LGR5: variants seen among roughly 807,000 people sequenced by gnomAD.
The protein encoded by LGR5 is leucine rich repeat containing G protein-coupled receptor 5, also known as leucine-rich repeat-containing G protein-coupled receptor 5.
Under a neutral mutation model 76.7 loss-of-function variants are expected in LGR5, and 54 were observed. The observed-to-expected ratio is 0.70, with a 90% CI of 0.57 to 0.88. LGR5 has a LOEUF of 0.88. Among genes scored for constraint, LGR5 ranks in the 40% least tolerant of loss-of-function variants. The pLI is 0.00. For synonymous variants in LGR5, 406 were observed against 421.9 expected, an observed-to-expected ratio of 0.96 and a Z score of 0.46; for missense variants, 1,078 against 1,073.3, an observed-to-expected ratio of 1.00 and a Z score of -0.06.
intron 4 of LGR5, among the ~76,000 whole-genome samples, chr12:71,552,019 T>C (rs1034649348): frequency 6.6e-6 from 1 of 151,400 alleles, no homozygotes; most frequent in African/African-American, 2.4e-5. Flanking sequence ...TCTTTAAAAA[T>C]GTACTCAGTT....
chr12:71,492,397 A>C (rs1261216006), intron 1 of LGR5, among the ~76,000 whole-genome samples: 1 of 152,180 alleles, frequency 6.6e-6, no homozygotes, highest in African/African-American at 2.4e-5. Flanking sequence ...TGGTTTAGAC[A>C]TAGGAATTCT....
rs527689463 is a variant in LGR5, at chr12:71,475,261, ATAAAC to A, written c.213-29348_213-29344del. 1.6e-4 allele frequency among the ~76,000 whole-genome samples: 25 copies of A among 152,342 alleles called. No homozygotes were observed. The East Asian group carries it at 4.4e-3, about 27-fold the overall frequency. ...AGTTGGCTATCAAGAAAGAAGGAAA[ATAAAC>A]TAAAATATACTATACAATCTCCAAA... is the stretch of plus-strand genomic sequence containing the variant. On this transcript the variant is annotated intron_variant, in intron 1 of 17. Transcript: ENST00000266674.
rs563040209 is a variant in LGR5 at position 71,490,050 on chromosome 12, A to G, written c.213-14564A>G. On this transcript the variant is annotated intron_variant, in intron 1 of 17. Coordinates refer to ENST00000266674, the MANE Select transcript of LGR5 (RefSeq NM_003667.4). Reference sequence around the variant, plus strand: ...TAGGCTGAGGTGGGAGCATCACTTGAGCTCAGGATATTGAGGCTTTGGTGA... The same window carrying G: ...TAGGCTGAGGTGGGAGCATCACTTGGGCTCAGGATATTGAGGCTTTGGTGA... 8.6e-5 allele frequency among the ~76,000 whole-genome samples: 13 copies of G among 151,824 alleles called. No individual in the cohort carries two copies. In the South Asian group the frequency reaches 2.5e-3, roughly 29 times the overall value.
rs79021881 is a variant in LGR5 at position 71,576,649 on chromosome 12, A to G, written c.1209-1276A>G. On this transcript the variant is annotated intron_variant, in intron 13 of 17. Coordinates refer to ENST00000266674, the MANE Select transcript of LGR5 (RefSeq NM_003667.4). ...CAGCGCACGGGCTCATGAATTGAAAAGGAATTACAGGCCTTTGAACATATA... is the reference window on the plus strand; with the variant it reads ...CAGCGCACGGGCTCATGAATTGAAAGGGAATTACAGGCCTTTGAACATATA... Among the ~76,000 whole-genome samples, 20 of 152,312 alleles carry G rather than the reference A, an allele frequency of 1.3e-4. No individual in the cohort carries two copies. The East Asian group carries it at 3.9e-3, about 29-fold the overall frequency.
intron 1 of LGR5, among the ~76,000 whole-genome samples, chr12:71,479,358 G>A (rs992095725): frequency 1.1e-4 from 17 of 152,186 alleles, no homozygotes; most frequent in Non-Finnish European, 2.1e-4. Context: ...AATAAGAAAG[G>A]AAGGGAATAG....
intron 2 of LGR5, among the ~76,000 whole-genome samples, chr12:71,511,761 C>T (rs547110327): frequency 2.7e-4 from 41 of 152,192 alleles, no homozygotes; most frequent in African/African-American, 7.7e-4. Context: ...CCTGCCCAGC[C>T]GCCCACAAGC....
intron 1 of LGR5, among the ~76,000 whole-genome samples, chr12:71,480,909 C>A (rs538456707): frequency 1.4e-3 from 213 of 152,224 alleles, no homozygotes; most frequent in South Asian, 6.0e-3. Flanking sequence ...AATAGGGTGG[C>A]AAAACTGTCA....
chr12:71,495,418 C>T (rs12814700), intron 1 of LGR5, among the ~76,000 whole-genome samples: 17,454 of 151,060 alleles, frequency 0.12, 1,557 homozygotes, highest in African/African-American at 0.17. Context: ...TTACCAGAAA[C>T]GTCCCAAGTT....
intron 1 of LGR5, among the ~76,000 whole-genome samples, chr12:71,478,029 A>G (rs537908785): frequency 6.6e-6 from 1 of 152,180 alleles, no homozygotes; most frequent in East Asian, 1.9e-4. Flanking sequence ...CCTTTTTGAG[A>G]TATCCTCATT....
intron 6 of LGR5, among the ~76,000 whole-genome samples, chr12:71,558,120 C>T (rs1455344638): frequency 6.6e-6 from 1 of 152,122 alleles, no homozygotes; most frequent in East Asian, 1.9e-4. Flanking sequence ...CAGGGAGGAC[C>T]TTTATGTCAA....
At chr12:71,530,434 A>G (rs890425057) in intron 3 of LGR5, among the ~76,000 whole-genome samples, 5 of 152,146 alleles carry the variant, frequency 3.3e-5, no homozygotes, top group Admixed American at 1.3e-4. Context: ...TGACCTGAGT[A>G]AGGATGGTAA....
intron 1 of LGR5, among the ~76,000 whole-genome samples, chr12:71,499,685 C>T (rs976157173): frequency 6.6e-6 from 1 of 152,128 alleles, no homozygotes; most frequent in Non-Finnish European, 1.5e-5. Context: ...CTAGATCGAG[C>T]TCTGCTTGCC....
intron 1 of LGR5, among the ~76,000 whole-genome samples, chr12:71,469,715 A>G (rs1219795647): frequency 2.0e-5 from 3 of 152,158 alleles, no homozygotes; most frequent in Non-Finnish European, 4.4e-5. Context: ...ACCTCCCCCA[A>G]ACCCTGGAAG....
chr12:71,515,706 C>T (rs1045686693), intron 2 of LGR5, among the ~76,000 whole-genome samples: 2 of 152,226 alleles, frequency 1.3e-5, no homozygotes, highest in Admixed American at 1.3e-4. Context: ...CATTTATAGA[C>T]TGTATGCCCT....
At chr12:71,475,229 A>C (rs1028573429) in intron 1 of LGR5, among the ~76,000 whole-genome samples, 1 of 151,066 alleles carries the variant, frequency 6.6e-6, no homozygotes, top group Non-Finnish European at 1.5e-5. Context: ...CAAAAATGAC[A>C]AAAAAAAGTT....
chr12:71,558,401 T>C (rs1389384145), intron 6 of LGR5, among the ~76,000 whole-genome samples: 4 of 152,164 alleles, frequency 2.6e-5, no homozygotes, highest in African/African-American at 9.7e-5. Context: ...TCTTATTGTC[T>C]CCCCTTCCTC....
chr12:71,441,513 T>A (rs1237825594), intron 1 of LGR5: 1 of 152,220 alleles, frequency 6.6e-6, no homozygotes, highest in Non-Finnish European at 1.5e-5. Context: ...TTCTTCCATC[T>A]GTTTAGTTGT....
chr12:71,442,704 T>C (rs1871819820), intron 1 of LGR5, among the ~76,000 whole-genome samples: 1 of 152,182 alleles, frequency 6.6e-6, no homozygotes. Context: ...ATTGAGGGTT[T>C]GGGGGCTTTG....
intron 4 of LGR5, among the ~76,000 whole-genome samples, chr12:71,550,711 C>A (rs1877439438): frequency 6.6e-6 from 1 of 152,010 alleles, no homozygotes; most frequent in South Asian, 2.1e-4. Context: ...TGATCTGCCC[C>A]CCTCAGCTTT....
Sources: allele counts gnomAD v4.1 joint callset (sites outside exome capture counted in the v4.1 genomes callset), GRCh38; gene constraint gnomAD v4.1.1; transcripts MANE v1.5; gene names NCBI Gene and HGNC (gene_info 2026-07-23, HGNC 2026-07-21).